The following PLCB4 variants were observed in gnomAD, a reference collection of about 807,000 sequenced individuals.
PLCB4 encodes phospholipase C beta 4, also known as 1-phosphatidylinositol 4,5-bisphosphate phosphodiesterase beta-4.
Under a neutral mutation model 178.8 loss-of-function variants are expected in PLCB4, and 77 were observed. That is an observed-to-expected ratio of 0.43 (90% CI 0.36 to 0.52). PLCB4 has a LOEUF of 0.52. Ranked by LOEUF, PLCB4 falls within the 20% of genes least tolerant of loss-of-function variation. The pLI is 0.00. For missense variants in PLCB4, 1,024 were observed against 1,453.4 expected (o/e 0.70, Z 4.80); for synonymous variants, 496 against 490.8 (o/e 1.01, Z -0.14).
In PLCB4 at chr20:9,307,811, A is replaced by G. The variant is rs779389917; in HGVS notation, c.-4A>G. 16 of 1,570,048 alleles carry G rather than the reference A, an allele frequency of 1.0e-5. No individual in the cohort carries two copies. Among genetic ancestry groups the G allele is most frequent in the African/African-American group, 1.4e-5 (1 of 73,990 alleles). On this transcript the variant is annotated 5_prime_UTR_variant, in exon 4 of 40. The change creates a new upstream start codon in the 5' untranslated region. Coordinates refer to ENST00000378473, the MANE Select transcript of PLCB4 (RefSeq NM_001377142.1). ...TTTTTCATTTTTAGGTCTTGAATATAATCATGGCCAAACCTTATGAATTTA... is the reference window on the plus strand; with the variant it reads ...TTTTTCATTTTTAGGTCTTGAATATGATCATGGCCAAACCTTATGAATTTA...
At chr20:9,149,335 G>C (rs1047623241) in intron 2 of PLCB4, among the ~76,000 whole-genome samples, 6 of 152,134 alleles carry the variant, frequency 3.9e-5, no homozygotes, top group Admixed American at 3.9e-4. Flanking sequence ...GAAGATAGCA[G>C]CTCTCCTCAG....
At position 9,408,709 on chromosome 20, in the gene PLCB4, A is replaced by G; in HGVS notation, c.1866A>G (p.Glu622=). Residue 622 remains glutamate, a synonymous_variant, in exon 23 of 40, where the codon GAA becomes GAG. Transcript: ENST00000378473. ...GCTACTTGAAGACACATGCAATTGA[A>G]TTTGTCAAGTATCCTTATGTATCAA... ...GLGYLKTHAI[E]FVNYNKRQMS... is the part of the protein sequence containing the mutation. 1 of 1,544,142 alleles carries G rather than the reference A, an allele frequency of 6.5e-7. No homozygotes were observed. Among genetic ancestry groups the G allele is most frequent in the Non-Finnish European group, 9.0e-7 (1 of 1,116,624 alleles).
intron 2 of PLCB4, among the ~76,000 whole-genome samples, chr20:9,154,248 T>A (rs981570962): frequency 2.0e-5 from 3 of 152,120 alleles, no homozygotes; most frequent in Non-Finnish European, 2.9e-5. Context: ...TTTAAAAAAA[T>A]TTTTCTTGAC....
intron 2 of PLCB4, among the ~76,000 whole-genome samples, chr20:9,159,675 G>A (rs1012151610): frequency 3.3e-5 from 5 of 152,144 alleles, no homozygotes; most frequent in East Asian, 1.9e-4. Context: ...AGATGATTCC[G>A]TTAGCAGTAG....
intron 2 of PLCB4, among the ~76,000 whole-genome samples, chr20:9,207,174 C>G (rs959332117): frequency 2.0e-5 from 3 of 152,148 alleles, no homozygotes; most frequent in African/African-American, 7.2e-5. Flanking sequence ...CACAAAGCAT[C>G]AGATTAAAGG....
rs1329218412 is a variant in PLCB4 at position 9,094,935 on chromosome 20, AT to A, written c.-134-1351del. Among the ~76,000 whole-genome samples, 4 of 152,262 alleles carry A rather than the reference AT, an allele frequency of 2.6e-5. No individual in the cohort carries two copies. The East Asian group carries it at 7.7e-4, about 29-fold the overall frequency. ...GAAAATAGAACAGGCAGCTCTTACCATCACTATACTATATTGGCAGTGAAGG... is the reference window on the plus strand; with the variant it reads ...GAAAATAGAACAGGCAGCTCTTACCACACTATACTATATTGGCAGTGAAGG... On this transcript the variant is annotated intron_variant, in intron 1 of 39. Coordinates refer to ENST00000378473, the MANE Select transcript of PLCB4 (RefSeq NM_001377142.1).
At chr20:9,304,930 A>G (rs1601727698) in intron 3 of PLCB4, among the ~76,000 whole-genome samples, 1 of 151,182 alleles carries the variant, frequency 6.6e-6, no homozygotes, top group East Asian at 1.9e-4. Context: ...GTACATGTGC[A>G]CAACGAGCAG....
At chr20:9,440,549 T>C (rs369625024) in intron 30 of PLCB4, among the ~76,000 whole-genome samples, 1 of 152,172 alleles carries the variant, frequency 6.6e-6, no homozygotes, top group East Asian at 1.9e-4. Flanking sequence ...TCAGGTTCCT[T>C]GATGAGTCCT....
At chr20:9,232,014 T>C (rs546641471) in intron 3 of PLCB4, among the ~76,000 whole-genome samples, 1 of 152,116 alleles carries the variant, frequency 6.6e-6, no homozygotes, top group Admixed American at 6.6e-5. Flanking sequence ...TGGATGAACC[T>C]AAAAAACATT....
intron 2 of PLCB4, among the ~76,000 whole-genome samples, chr20:9,196,140 C>A (rs147961156): frequency 1.4e-3 from 216 of 152,278 alleles, no homozygotes; most frequent in African/African-American, 4.7e-3. Context: ...AGAGGCAGAA[C>A]TCTTTTCTCC....
At chr20:9,237,175 CA>C (rs1305357231) in intron 3 of PLCB4, among the ~76,000 whole-genome samples, 1 of 152,056 alleles carries the variant, frequency 6.6e-6, no homozygotes, top group Admixed American at 6.6e-5. Flanking sequence ...GGAAAATGTA[CA>C]AATCCTAGGT....
chr20:9,435,755 T>C (rs1226616505), intron 29 of PLCB4, 107 bp downstream of exon 29: 2 of 660,502 alleles, frequency 3.0e-6, no homozygotes, highest in Non-Finnish European at 5.4e-6. Flanking sequence ...TTAAGGAGGG[T>C]TTTTAAAACT....
At chr20:9,248,686 A>T (rs1003369686) in intron 3 of PLCB4, among the ~76,000 whole-genome samples, 1 of 152,184 alleles carries the variant, frequency 6.6e-6, no homozygotes, top group East Asian at 1.9e-4. Flanking sequence ...ACTGAGAACT[A>T]TGTATTTATT....
intron 4 of PLCB4, among the ~76,000 whole-genome samples, chr20:9,317,164 T>A (rs920785840): frequency 1.3e-5 from 2 of 152,124 alleles, no homozygotes; most frequent in Non-Finnish European, 2.9e-5. Flanking sequence ...CACATAGAAA[T>A]GAGTAACAAA....
chr20:9,385,098 C>G (rs1423002207), intron 14 of PLCB4, among the ~76,000 whole-genome samples: 1 of 152,166 alleles, frequency 6.6e-6, no homozygotes, highest in Non-Finnish European at 1.5e-5. Flanking sequence ...TGACACACCA[C>G]ATGTTTCAGA....
intron 18 of PLCB4, 96 bp downstream of exon 18, chr20:9,393,774 TTGGGGGAAGGGTGTAGGGG>T: frequency 1.2e-6 from 1 of 810,616 alleles, no homozygotes; most frequent in African/African-American, 1.7e-5. Context: ...CCACTGATTT[TTGGGGGAAGGGTGTAGGGG>T]TGATGTTACA....
chr20:9,315,962 G>A (rs1437260220), intron 4 of PLCB4, among the ~76,000 whole-genome samples: 1 of 151,780 alleles, frequency 6.6e-6, no homozygotes, highest in Non-Finnish European at 1.5e-5. Context: ...AAAAAAAAGA[G>A]CCAGTTTGGC....
intron 2 of PLCB4, among the ~76,000 whole-genome samples, chr20:9,214,940 A>C (rs2093712987): frequency 6.6e-6 from 1 of 152,218 alleles, no homozygotes; most frequent in African/African-American, 2.4e-5. Flanking sequence ...GAATTAAAGA[A>C]GAGAAGGGAA....
At chr20:9,354,516 T>C (rs1044346440) in intron 7 of PLCB4, among the ~76,000 whole-genome samples, 1 of 152,174 alleles carries the variant, frequency 6.6e-6, no homozygotes, top group African/African-American at 2.4e-5. Context: ...TGCCCCCAAG[T>C]TGCTGATTCT....
Sources: gnomAD v4.1 joint callset for allele counts (sites outside exome capture counted in the v4.1 genomes callset) on GRCh38, gnomAD v4.1.1 for gene constraint, MANE v1.5 for transcripts, NCBI Gene and HGNC (gene_info 2026-07-23, HGNC 2026-07-21) for gene names.